Variants in COLEC10 observed in about 807,000 individuals in gnomAD.
The protein encoded by COLEC10 is collectin subfamily member 10.
A neutral mutation model predicts 28.4 loss-of-function variants in COLEC10; 22 were observed. The observed-to-expected ratio is 0.78, with a 90% CI of 0.55 to 1.11. The LOEUF is 1.11. COLEC10 is among the 50% of genes least tolerant of loss of function. COLEC10 has a pLI of 0.00. For missense variants in COLEC10, 361 were observed against 344.1 expected (o/e 1.05, Z -0.39); for synonymous variants, 125 against 116.1 (o/e 1.08, Z -0.49).
At chr8:118,987,642 C>A in the COLEC10 span, among the ~76,000 whole-genome samples, 1 of 152,162 alleles carries the variant, frequency 6.6e-6, no homozygotes, top group East Asian at 1.9e-4. Context: ...ACAATATCTT[C>A]AAAGTGTTGA....
chr8:118,966,344 C>T, the COLEC10 span, among the ~76,000 whole-genome samples: 1 of 152,102 alleles, frequency 6.6e-6, no homozygotes, highest in African/African-American at 2.4e-5. Context: ...GCCTTTTCCA[C>T]AACTACAAAC....
chr8:119,034,882 G>A (rs984610191), intron 2 of COLEC10, among the ~76,000 whole-genome samples: 1 of 152,072 alleles, frequency 6.6e-6, no homozygotes, highest in African/African-American at 2.4e-5. Flanking sequence ...ATTTCATAGG[G>A]TTGTCACAAA....
At chr8:118,967,013 G>A in the COLEC10 span, among the ~76,000 whole-genome samples, 8 of 152,170 alleles carry the variant, frequency 5.3e-5, no homozygotes, top group South Asian at 1.7e-3. Flanking sequence ...ACCACTTTGA[G>A]TTCCTAGATT....
At chr8:119,041,554 A>G (rs1450989479) in intron 2 of COLEC10, among the ~76,000 whole-genome samples, 1 of 152,278 alleles carries the variant, frequency 6.6e-6, no homozygotes, top group African/African-American at 2.4e-5. Context: ...CATGACCCCA[A>G]TATACTACTT....
At chr8:119,063,175 A>G (rs1295802944), upstream of COLEC10, 2 of 152,198 alleles carry the variant, frequency 1.3e-5, no homozygotes, top group African/African-American at 4.8e-5. Context: ...AATGCACAAG[A>G]ACAGATGTTG....
chr8:119,099,128 A>T lies in COLEC10; in HGVS notation c.293-3220A>T, dbSNP rs1411389283. 3.9e-5 allele frequency among the ~76,000 whole-genome samples: 6 copies of T among 152,010 alleles called. No homozygotes were observed. The East Asian group carries it at 1.2e-3, about 29-fold the overall frequency. ...ATCCATTTACGCTGAAAGCATTATG[A>T]TTTTTTTGTTTGTTTGTTTGAATGT... On this transcript the variant is annotated intron_variant, in intron 3 of 5. Transcript: ENST00000332843.
chr8:119,017,260 C>T (rs1480781054), intron 2 of COLEC10, among the ~76,000 whole-genome samples: 1 of 152,134 alleles, frequency 6.6e-6, no homozygotes, highest in African/African-American at 2.4e-5. Context: ...TGAGCTTAAC[C>T]ACTACACTCT....
chr8:119,080,075 AGC>A (rs1297813004), intron 1 of COLEC10, among the ~76,000 whole-genome samples: 1 of 152,120 alleles, frequency 6.6e-6, no homozygotes, highest in African/African-American at 2.4e-5. Context: ...TTGGGGAGAA[AGC>A]AACACAGGAT....
intron 1 of COLEC10, among the ~76,000 whole-genome samples, chr8:119,086,877 G>A (rs1275302637): frequency 6.6e-6 from 1 of 152,202 alleles, no homozygotes; most frequent in Non-Finnish European, 1.5e-5. Flanking sequence ...TGCTAAGGCA[G>A]GAATTTGTTC....
At chr8:118,970,825 G>C in the COLEC10 span, among the ~76,000 whole-genome samples, 7,858 of 151,962 alleles carry the variant, frequency 0.052, 318 homozygotes, top group East Asian at 0.16. Flanking sequence ...GGCTCAAAGA[G>C]ATTAGGCAAC....
intron 2 of COLEC10, among the ~76,000 whole-genome samples, chr8:119,051,895 C>G (rs1277093836): frequency 6.6e-6 from 1 of 152,016 alleles, no homozygotes; most frequent in African/African-American, 2.4e-5. Context: ...TAGCTCTGCA[C>G]CTCAATTGCT....
intron 1 of COLEC10, among the ~76,000 whole-genome samples, chr8:119,078,096 A>G (rs1200196212): frequency 6.6e-6 from 1 of 152,238 alleles, no homozygotes; most frequent in Non-Finnish European, 1.5e-5. Context: ...CAAGTCATGC[A>G]TGAGAGATCC....
At chr8:119,066,099 T>C (rs1814950141), upstream of COLEC10, among the ~76,000 whole-genome samples, 2 of 152,182 alleles carry the variant, frequency 1.3e-5, no homozygotes, top group Admixed American at 1.3e-4. Flanking sequence ...GATGGTTACT[T>C]GTAACGACAT....
intron 2 of COLEC10, among the ~76,000 whole-genome samples, chr8:119,052,146 G>A (rs970804895): frequency 6.6e-6 from 1 of 152,068 alleles, no homozygotes; most frequent in Non-Finnish European, 1.5e-5. Context: ...AAATATCGAA[G>A]TTTCTCATTC....
At chr8:118,964,474 T>C in the COLEC10 span, among the ~76,000 whole-genome samples, 2 of 152,112 alleles carry the variant, frequency 1.3e-5, no homozygotes, top group Non-Finnish European at 2.9e-5. Flanking sequence ...TATTAGAGAA[T>C]CTCTAAGGTG....
chr8:119,008,474 C>CTTT (rs1177138292), intron 1 of COLEC10, among the ~76,000 whole-genome samples: 1 of 108,594 alleles, frequency 9.2e-6, no homozygotes, highest in African/African-American at 4.3e-5. Context: ...TTTATTTTTA[C>CTTT]TTTTTATTTT....
chr8:119,093,685 G>C (rs938267539), intron 3 of COLEC10, among the ~76,000 whole-genome samples: 8 of 152,058 alleles, frequency 5.3e-5, no homozygotes, highest in Admixed American at 1.3e-4. Context: ...CCCTAACAAG[G>C]CTTTTAAGAC....
chr8:118,998,566 T>C (rs13254554), intron 1 of COLEC10, among the ~76,000 whole-genome samples: 99,175 of 151,882 alleles, frequency 0.65, 33,751 homozygotes, highest in African/African-American at 0.85. Context: ...TGGCCAGGCA[T>C]GGTGGCTCAC....
At chr8:118,983,289 A>G in the COLEC10 span, among the ~76,000 whole-genome samples, 1 of 152,030 alleles carries the variant, frequency 6.6e-6, no homozygotes, top group Non-Finnish European at 1.5e-5. Flanking sequence ...ATAGATTTTT[A>G]CTCCTTTTGT....
Sources: allele counts gnomAD v4.1 joint callset (sites outside exome capture counted in the v4.1 genomes callset), GRCh38; gene constraint gnomAD v4.1.1; transcripts MANE v1.5; gene names NCBI Gene and HGNC (gene_info 2026-07-23, HGNC 2026-07-21).